Variants in GRIK4 observed in about 807,000 individuals in gnomAD.
The protein encoded by GRIK4 is glutamate ionotropic receptor kainate type subunit 4, also known as glutamate receptor ionotropic, kainate 4.
Under a neutral mutation model 104.9 loss-of-function variants are expected in GRIK4, and 40 were observed. The ratio of observed to expected loss-of-function variants is 0.38; its 90% CI spans 0.30 to 0.50. The LOEUF is 0.50. Among genes scored for constraint, GRIK4 ranks in the 20% least tolerant of loss-of-function variants. GRIK4 has a pLI of 0.93. For synonymous variants in GRIK4, 485 were observed against 524.9 expected (o/e 0.92, Z 1.04); for missense variants, 1,047 against 1,308.1 (o/e 0.80, Z 3.08).
At chr11:120,895,734 T>C (rs554500508) in intron 11 of GRIK4, among the ~76,000 whole-genome samples, 1 of 152,286 alleles carries the variant, frequency 6.6e-6, no homozygotes, top group Admixed American at 6.5e-5. Flanking sequence ...TGAGCTTCAG[T>C]TTCTTCATAA....
At chr11:120,968,011 ATTTG>A (rs1465733354) in intron 19 of GRIK4, among the ~76,000 whole-genome samples, 1 of 152,014 alleles carries the variant, frequency 6.6e-6, no homozygotes, top group Non-Finnish European at 1.5e-5. Flanking sequence ...TTTCTTGTGT[ATTTG>A]TTTACTTTCC....
chr11:120,806,322 C>T (rs950131608), intron 4 of GRIK4, among the ~76,000 whole-genome samples: 16 of 152,162 alleles, frequency 1.1e-4, no homozygotes, highest in Non-Finnish European at 2.2e-4. Context: ...TGGATATTCC[C>T]CTTCTCCTTC....
At chr11:120,910,439 G>C (rs1942965850) in intron 13 of GRIK4, among the ~76,000 whole-genome samples, 1 of 152,204 alleles carries the variant, frequency 6.6e-6, no homozygotes, top group African/African-American at 2.4e-5. Flanking sequence ...CTGTGTCTGG[G>C]CAGTGGAGAT....
chr11:120,545,064 TGGCCAGA>T (rs1948072286), intron 1 of GRIK4, among the ~76,000 whole-genome samples: 1 of 152,092 alleles, frequency 6.6e-6, no homozygotes, highest in African/African-American at 2.4e-5. Context: ...GCCTCACAGC[TGGCCAGA>T]GGCCAGCTGT....
intron 3 of GRIK4, among the ~76,000 whole-genome samples, chr11:120,714,085 A>G (rs1445806859): frequency 1.3e-5 from 2 of 152,240 alleles, no homozygotes; most frequent in African/African-American, 2.4e-5. Context: ...ATTGTAAACT[A>G]AAGTCTAAAG....
intron 13 of GRIK4, among the ~76,000 whole-genome samples, chr11:120,923,404 A>ATTTTTTTT (rs775194642): frequency 3.7e-5 from 3 of 81,648 alleles, no homozygotes; most frequent in Admixed American, 1.6e-4. Context: ...CCATTTGCTC[A>ATTTTTTTT]TTTTTTTTTT....
chr11:120,809,801 A>C (rs1321647908), intron 4 of GRIK4, among the ~76,000 whole-genome samples: 1 of 152,214 alleles, frequency 6.6e-6, no homozygotes, highest in Non-Finnish European at 1.5e-5. Flanking sequence ...GTGGTGGCTC[A>C]TGCCTGTAAA....
chr11:120,734,833 G>C (rs1005242571), intron 3 of GRIK4, among the ~76,000 whole-genome samples: 7 of 152,104 alleles, frequency 4.6e-5, no homozygotes, highest in Non-Finnish European at 4.4e-5. Flanking sequence ...GCATTCCTCA[G>C]TATATCAATT....
At chr11:120,812,587 G>A (rs193133529) in intron 4 of GRIK4, among the ~76,000 whole-genome samples, 1 of 152,344 alleles carries the variant, frequency 6.6e-6, no homozygotes, top group African/African-American at 2.4e-5. Flanking sequence ...CCTTATGAGA[G>A]AGGTGTTATT....
At chr11:120,892,582 T>TA (rs1207683901) in intron 11 of GRIK4, among the ~76,000 whole-genome samples, 1 of 152,062 alleles carries the variant, frequency 6.6e-6, no homozygotes, top group Non-Finnish European at 1.5e-5. Context: ...TGATGCCAGG[T>TA]GACACACTGC....
chr11:120,566,969 T>A, intron 1 of GRIK4, among the ~76,000 whole-genome samples: 1 of 96,300 alleles, frequency 1.0e-5, no homozygotes, highest in South Asian at 2.8e-4. Context: ...GGCCTCCTAA[T>A]TTTTTTTTTT....
chr11:120,921,598 TC>T (rs58294992), intron 13 of GRIK4, among the ~76,000 whole-genome samples: 39,971 of 151,996 alleles, frequency 0.26, 6,394 homozygotes, highest in East Asian at 0.4. Flanking sequence ...GATCCCTGCC[TC>T]CCGCTCCTGC....
At chr11:120,936,253 C>T (rs991554337) in intron 13 of GRIK4, 25 of 488,754 alleles carry the variant, frequency 5.1e-5, no homozygotes, top group East Asian at 1.7e-4. Flanking sequence ...CATCTGCCGC[C>T]GTGTTAGTCC....
intron 3 of GRIK4, among the ~76,000 whole-genome samples, chr11:120,665,905 C>T (rs1341090258): frequency 6.6e-6 from 1 of 152,138 alleles, no homozygotes. Flanking sequence ...TTCCCTTGGT[C>T]TTCAGGAGCC....
intron 18 of GRIK4, among the ~76,000 whole-genome samples, chr11:120,965,867 CTGTT>C (rs1382311583): frequency 6.6e-6 from 1 of 152,206 alleles, no homozygotes; most frequent in Non-Finnish European, 1.5e-5. Flanking sequence ...AAGCACTCAT[CTGTT>C]TGTTCCAAGC....
At chr11:120,761,409 T>G (rs781768316) in intron 3 of GRIK4, among the ~76,000 whole-genome samples, 1 of 152,252 alleles carries the variant, frequency 6.6e-6, no homozygotes, top group Non-Finnish European at 1.5e-5. Context: ...CCCTGTTCAC[T>G]CTGATGATAG....
At chr11:120,582,376 C>T (rs568674752) in intron 1 of GRIK4, among the ~76,000 whole-genome samples, 281 of 151,708 alleles carry the variant, frequency 1.9e-3, no homozygotes, top group Non-Finnish European at 3.1e-3. Flanking sequence ...AATTGCATGT[C>T]ATGGGGGTTT....
chr11:120,898,814 T>TCA (rs1256894658), intron 12 of GRIK4, among the ~76,000 whole-genome samples, 175 bp downstream of exon 12: 2 of 152,126 alleles, frequency 1.3e-5, no homozygotes, highest in Non-Finnish European at 2.9e-5. Context: ...TGATATTTGA[T>TCA]GAGTTCCAGA....
At chr11:120,563,359 AC>A (rs1948265101) in intron 1 of GRIK4, among the ~76,000 whole-genome samples, 1 of 152,070 alleles carries the variant, frequency 6.6e-6, no homozygotes, top group South Asian at 2.1e-4. Context: ...GCTCCAGAGA[AC>A]AACTTCTGGG....
Sources: gnomAD v4.1 joint callset for allele counts (sites outside exome capture counted in the v4.1 genomes callset) on GRCh38, gnomAD v4.1.1 for gene constraint, MANE v1.5 for transcripts, NCBI Gene and HGNC (gene_info 2026-07-23, HGNC 2026-07-21) for gene names.